Variants in TTC3 observed in about 807,000 individuals in gnomAD.
The protein encoded by TTC3 is tetratricopeptide repeat domain 3, also known as E3 ubiquitin-protein ligase TTC3.
A neutral mutation model predicts 249.6 loss-of-function variants in TTC3; 180 were observed. The observed-to-expected ratio is 0.72, with a 90% CI of 0.64 to 0.82. The LOEUF is 0.82. Among genes scored for constraint, TTC3 ranks in the 40% least tolerant of loss-of-function variants. The pLI, the probability that TTC3 is intolerant of heterozygous loss-of-function variation, is 0.00. For missense variants in TTC3, 2,061 were observed against 2,398.4 expected, an observed-to-expected ratio of 0.86 and a Z score of 2.94; for synonymous variants, 717 against 805.0, an observed-to-expected ratio of 0.89 and a Z score of 1.85.
At chr21:37,091,410 G>A in exon 7 of TTC3, 1 of 1,605,722 alleles carries the variant, frequency 6.2e-7, no homozygotes. Context: ...TTTCTTTACT[G>A]AATGTAAGTA....
exon 33 of TTC3, chr21:37,166,187 A>G (rs920019620): frequency 1.2e-6 from 2 of 1,613,952 alleles, no homozygotes; most frequent in African/African-American, 2.7e-5. Flanking sequence ...TCCTTTCCAG[A>G]GATTTGATAT....
At chr21:37,076,985 G>T (rs1007549132) in intron 1 of TTC3, among the ~76,000 whole-genome samples, 2 of 152,048 alleles carry the variant, frequency 1.3e-5, no homozygotes, top group African/African-American at 4.8e-5. Context: ...ACAGGCCACC[G>T]CGCCTGGCCT....
chr21:37,082,960 A>G (rs988279221), intron 1 of TTC3: 6 of 984,346 alleles, frequency 6.1e-6, no homozygotes, highest in Non-Finnish European at 6.0e-6. Context: ...AAAGAAAAGT[A>G]TTAAGTAAAT....
intron 1 of TTC3, chr21:37,073,368 A>G (rs975519928): frequency 9.5e-6 from 9 of 952,274 alleles, no homozygotes; most frequent in Non-Finnish European, 1.1e-5. Flanking sequence ...GGCCCGGGTG[A>G]GTGCACACCC....
intron 1 of TTC3, among the ~76,000 whole-genome samples, chr21:37,080,544 T>C (rs1463444272): frequency 6.6e-6 from 1 of 152,194 alleles, no homozygotes; most frequent in Non-Finnish European, 1.5e-5. Context: ...TATCCTATCA[T>C]TAACTGAGAG....
intron 39 of TTC3, among the ~76,000 whole-genome samples, chr21:37,190,202 C>G (rs1036440334): frequency 3.8e-4 from 45 of 118,680 alleles, no homozygotes; most frequent in Middle Eastern, 8.6e-3. Context: ...AGTGCAGTGG[C>G]GTGATCTCGG....
At chr21:37,186,741 A>G (rs1427599358) in intron 37 of TTC3, among the ~76,000 whole-genome samples, 5 of 152,310 alleles carry the variant, frequency 3.3e-5, no homozygotes. Context: ...CAGTTTATTA[A>G]TGTCACCAGA....
rs749822215 is a variant in TTC3, at chr21:37,121,988, C to T, written c.1063+9C>T. 8 of 1,595,940 alleles carry T rather than the reference C, an allele frequency of 5.0e-6. No homozygotes were observed. The highest frequency in any genetic ancestry group is 6.8e-6 in the Non-Finnish European group (8 of 1,172,022). On this transcript the variant is annotated intron_variant, in intron 12 of 45. Coordinates refer to ENST00000355666, the Ensembl canonical transcript of TTC3. ...AATAGAAGACCTACAAGGTATTTCA[C>T]CTAAGATTCTTTTGGTTACAGTCTT...
rs2081008547 is a variant in TTC3, at chr21:37,163,902, A to G, written c.3171-149A>G. ...TGTGGAAGGGTAACTTTTCTACACT[A>G]AGTTCCCTGGTGCTATTTTTTTGCA... On this transcript the variant is annotated intron_variant, in intron 31 of 45. Coordinates refer to ENST00000355666, the Ensembl canonical transcript of TTC3. 4 of 726,564 alleles carry G rather than the reference A, an allele frequency of 5.5e-6. No homozygotes were observed. The East Asian group carries it at 9.3e-5, about 17-fold the overall frequency. The allele number at this position is 726,564 out of a possible 1,614,324, so 45.0% of individuals were successfully genotyped here. A position where few individuals can be genotyped will look rare whatever the true frequency, so the allele number is the denominator to read the frequency against.
At chr21:37,097,891 G>A (rs1281797961) in intron 10 of TTC3, 1 of 699,594 alleles carries the variant, frequency 1.4e-6, no homozygotes, top group African/African-American at 1.8e-5. Context: ...AACATTTATT[G>A]TGTTTTTCTT....
intron 39 of TTC3, among the ~76,000 whole-genome samples, chr21:37,189,074 A>T (rs983892648): frequency 9.4e-6 from 1 of 106,864 alleles, no homozygotes; most frequent in African/African-American, 4.1e-5. Flanking sequence ...AGTCATTTCC[A>T]TGCAGTAAAA....
chr21:37,143,741 C>G (rs78847908), intron 20 of TTC3, among the ~76,000 whole-genome samples: 72,666 of 140,228 alleles, frequency 0.52, 19,550 homozygotes, highest in African/African-American at 0.63. Flanking sequence ...TCCCATTACT[C>G]GGTATATACC....
At chr21:37,073,912 G>A (rs994141334) in intron 1 of TTC3, among the ~76,000 whole-genome samples, 6 of 152,356 alleles carry the variant, frequency 3.9e-5, no homozygotes, top group Admixed American at 3.9e-4. Context: ...AGCCTTGCTC[G>A]CGCAAGTGTG....
At chr21:37,167,313 T>TA (rs2081334767) in intron 33 of TTC3, among the ~76,000 whole-genome samples, 1 of 152,204 alleles carries the variant, frequency 6.6e-6, no homozygotes, top group African/African-American at 2.4e-5. Context: ...CCCCACTCAT[T>TA]ATGTTTTCTA....
intron 15 of TTC3, 66 bp from the exon 16 acceptor site, chr21:37,128,937 G>A: frequency 1.6e-6 from 2 of 1,240,310 alleles, no homozygotes; most frequent in African/African-American, 1.6e-5. Flanking sequence ...TTTAAAAATA[G>A]TTTTACTCTC....
chr21:37,087,463 G>T, intron 2 of TTC3, 62 bp downstream of exon 2: 1 of 1,582,840 alleles, frequency 6.3e-7, no homozygotes, highest in Non-Finnish European at 8.6e-7. Context: ...CTGGTTTAGG[G>T]CTATCTGAGT....
At chr21:37,183,180 C>G (rs1038593089) in intron 36 of TTC3, among the ~76,000 whole-genome samples, 1 of 152,172 alleles carries the variant, frequency 6.6e-6, no homozygotes, top group African/African-American at 2.4e-5. Flanking sequence ...TGACTTCCTT[C>G]CAGTTTGAAC....
intron 1 of TTC3, chr21:37,081,510 T>C (rs923809722): frequency 6.6e-6 from 1 of 152,188 alleles, no homozygotes; most frequent in African/African-American, 2.4e-5. Context: ...TAAGTCTAGA[T>C]AGAGATTATA....
chr21:37,088,695 G>A (rs2072848572), intron 4 of TTC3, 104 bp from the exon 5 acceptor site: 1 of 1,063,838 alleles, frequency 9.4e-7, no homozygotes, highest in Non-Finnish European at 1.3e-6. Flanking sequence ...TGAAGAAAAA[G>A]AGAACTTATT....
Sources: gnomAD v4.1 joint callset for allele counts (sites outside exome capture counted in the v4.1 genomes callset) on GRCh38, gnomAD v4.1.1 for gene constraint, MANE v1.5 for transcripts, NCBI Gene and HGNC (gene_info 2026-07-23, HGNC 2026-07-21) for gene names.